The following TGFBR3 variants were observed in gnomAD, a reference collection of about 807,000 sequenced individuals.
The protein encoded by TGFBR3 is transforming growth factor beta receptor 3.
A neutral mutation model predicts 87.9 loss-of-function variants in TGFBR3; 46 were observed. The ratio of observed to expected loss-of-function variants is 0.52; its 90% CI spans 0.41 to 0.67. The LOEUF (loss-of-function observed/expected upper bound fraction) is 0.67, where lower values mean the gene tolerates loss of function less well. TGFBR3 is among the 30% of genes least tolerant of loss of function. The probability of loss-of-function intolerance (pLI) is 0.00; values close to 1 mark genes in which losing one functional copy is unlikely to be tolerated. For synonymous variants in TGFBR3, 381 were observed against 391.6 expected (o/e 0.97, Z 0.32); for missense variants, 866 against 1,041.9 (o/e 0.83, Z 2.32).
At chr1:91,887,574 G>A (rs1679361073), upstream of TGFBR3, among the ~76,000 whole-genome samples, 1 of 152,070 alleles carries the variant, frequency 6.6e-6, no homozygotes, top group South Asian at 2.1e-4. Flanking sequence ...CTCAATCCTA[G>A]GCTTTTAATA....
chr1:91,717,886 T>TA (rs1026929169), intron 10 of TGFBR3, among the ~76,000 whole-genome samples: 3 of 151,890 alleles, frequency 2.0e-5, no homozygotes, highest in Non-Finnish European at 4.4e-5. Flanking sequence ...TTTTTTTTTT[T>TA]TTATTTTTTC....
At chr1:91,725,333 C>CT (rs1421519847) in intron 7 of TGFBR3, among the ~76,000 whole-genome samples, 6 of 152,282 alleles carry the variant, frequency 3.9e-5, no homozygotes, top group Admixed American at 3.9e-4. Context: ...ATCTTTCTTT[C>CT]TTTTCACCTT....
At position 91,682,637 on chromosome 1, in the gene TGFBR3, C is replaced by A. The variant is rs752837120; in HGVS notation, c.*1102G>T. ...ACTATTCAGATAACCAACTGGAGACCGACAGGATTTGCCATGCATTTGCAT... is the reference window on the plus strand; with the variant it reads ...ACTATTCAGATAACCAACTGGAGACAGACAGGATTTGCCATGCATTTGCAT... On this transcript the variant is annotated 3_prime_UTR_variant, in exon 17 of 17. Coordinates refer to ENST00000212355, the MANE Select transcript of TGFBR3 (RefSeq NM_003243.5). 38 of 453,378 alleles carry A rather than the reference C, an allele frequency of 8.4e-5. No individual in the cohort carries two copies. The highest frequency in any genetic ancestry group is 6.9e-4 in the Middle Eastern group (1 of 1,444). 28.1% of individuals were successfully genotyped at this position (453,378 alleles called of 1,614,324 possible). A position where few individuals can be genotyped will look rare whatever the true frequency, so the allele number is the denominator to read the frequency against.
At chr1:91,821,360 C>CA (rs986542931) in intron 2 of TGFBR3, among the ~76,000 whole-genome samples, 8 of 141,984 alleles carry the variant, frequency 5.6e-5, no homozygotes, top group Admixed American at 1.4e-4. Context: ...AAAGTAATGG[C>CA]AAAAAACACA....
chr1:91,823,371 T>C (rs938803854), intron 2 of TGFBR3, among the ~76,000 whole-genome samples: 4 of 152,196 alleles, frequency 2.6e-5, no homozygotes, highest in Non-Finnish European at 5.9e-5. Context: ...CAGTCCTAGG[T>C]ATTTACTCAA....
chr1:91,762,405 A>G (rs1356305625), intron 3 of TGFBR3, among the ~76,000 whole-genome samples: 3 of 152,234 alleles, frequency 2.0e-5, no homozygotes, highest in African/African-American at 7.2e-5. Context: ...AAGAGCAACA[A>G]TGGTAACAAA....
intron 4 of TGFBR3, among the ~76,000 whole-genome samples, chr1:91,735,453 G>GA (rs1241566306): frequency 6.6e-6 from 1 of 152,188 alleles, no homozygotes; most frequent in African/African-American, 2.4e-5. Flanking sequence ...GAAACAGCGA[G>GA]AGTCCTCTTG....
chr1:91,788,952 C>T (rs1675077606), intron 3 of TGFBR3, among the ~76,000 whole-genome samples: 1 of 152,158 alleles, frequency 6.6e-6, no homozygotes, highest in Non-Finnish European at 1.5e-5. Context: ...ACCCTAACCT[C>T]CATAAAGACA....
At chr1:91,794,434 C>T (rs1218076233) in intron 3 of TGFBR3, among the ~76,000 whole-genome samples, 1 of 152,144 alleles carries the variant, frequency 6.6e-6, no homozygotes, top group Non-Finnish European at 1.5e-5. Flanking sequence ...AACTCCTGAC[C>T]TCAGGTGATC....
intron 2 of TGFBR3, among the ~76,000 whole-genome samples, chr1:91,892,829 A>T (rs1679477871): frequency 6.6e-6 from 1 of 152,238 alleles, no homozygotes; most frequent in Non-Finnish European, 1.5e-5. Context: ...ATATATGTGT[A>T]TTACTATTCG....
intron 3 of TGFBR3, among the ~76,000 whole-genome samples, chr1:91,759,383 C>CA (rs35600646): frequency 0.22 from 18,536 of 84,524 alleles, 2,000 homozygotes; most frequent in East Asian, 0.5. Flanking sequence ...CAGCCCCTGT[C>CA]AAAAAAAAAA....
intron 1 of TGFBR3, among the ~76,000 whole-genome samples, chr1:91,903,981 C>T (rs1171826972): frequency 2.0e-5 from 3 of 152,038 alleles, no homozygotes; most frequent in Admixed American, 1.3e-4. Flanking sequence ...CGAGACCAGC[C>T]TGGGCAACAC....
chr1:91,875,967 T>C (rs1177507990), intron 1 of TGFBR3, among the ~76,000 whole-genome samples: 1 of 133,226 alleles, frequency 7.5e-6, no homozygotes, highest in Non-Finnish European at 1.6e-5. Context: ...TGAAGAGACA[T>C]CCGGAACATA....
At chr1:91,684,647 G>A (rs1314797528) in intron 16 of TGFBR3, among the ~76,000 whole-genome samples, 1 of 152,160 alleles carries the variant, frequency 6.6e-6, no homozygotes, top group African/African-American at 2.4e-5. Context: ...CTTTGGAGAG[G>A]AAGGAAACCT....
chr1:91,722,598 T>A (rs1672408768), intron 7 of TGFBR3, among the ~76,000 whole-genome samples: 1 of 152,198 alleles, frequency 6.6e-6, no homozygotes, highest in African/African-American at 2.4e-5. Flanking sequence ...TAGATTTCAA[T>A]GAAAGATAGC....
chr1:91,891,913 T>A (rs2101332255), intron 2 of TGFBR3, among the ~76,000 whole-genome samples: 1 of 152,294 alleles, frequency 6.6e-6, no homozygotes, highest in East Asian at 1.9e-4. Context: ...AGATTAGAAT[T>A]TGGTTTTCGC....
chr1:91,788,163 C>T (rs1675043547), intron 3 of TGFBR3, among the ~76,000 whole-genome samples: 1 of 152,128 alleles, frequency 6.6e-6, no homozygotes, highest in African/African-American at 2.4e-5. Flanking sequence ...AGGGGCTAGT[C>T]CAGTGCTAGC....
intron 3 of TGFBR3, among the ~76,000 whole-genome samples, chr1:91,761,467 A>G (rs2100903885): frequency 6.6e-6 from 1 of 152,342 alleles, no homozygotes; most frequent in Admixed American, 6.5e-5. Flanking sequence ...CATTTGGCAA[A>G]GAAGAATTCA....
chr1:91,849,391 C>T (rs1677631540), intron 2 of TGFBR3, among the ~76,000 whole-genome samples: 2 of 152,164 alleles, frequency 1.3e-5, no homozygotes, highest in Admixed American at 1.3e-4. Context: ...CTGCTATTGC[C>T]TGAGCACTGC....
Sources: allele counts gnomAD v4.1 joint callset (sites outside exome capture counted in the v4.1 genomes callset), GRCh38; gene constraint gnomAD v4.1.1; transcripts MANE v1.5; gene names NCBI Gene and HGNC (gene_info 2026-07-23, HGNC 2026-07-21).